GPNMB: variants seen among roughly 807,000 people sequenced by gnomAD.
GPNMB encodes the protein transmembrane glycoprotein NMB.
A neutral mutation model predicts 57.3 loss-of-function variants in GPNMB; 71 were observed. The ratio of observed to expected loss-of-function variants is 1.24; its 90% CI spans 1.02 to 1.51. The LOEUF (loss-of-function observed/expected upper bound fraction) is 1.51, where lower values mean the gene tolerates loss of function less well. Among genes scored for constraint, GPNMB ranks in the 40% most tolerant of loss-of-function variants. The probability of loss-of-function intolerance (pLI) is 0.00; values close to 1 mark genes in which losing one functional copy is unlikely to be tolerated. For synonymous variants in GPNMB, 253 were observed against 263.2 expected, an observed-to-expected ratio of 0.96 and a Z score of 0.38; for missense variants, 677 against 691.9, an observed-to-expected ratio of 0.98 and a Z score of 0.24.
At chr7:23,258,929 A>G (rs1238413352) in intron 4 of GPNMB, among the ~76,000 whole-genome samples, 1 of 152,248 alleles carries the variant, frequency 6.6e-6, no homozygotes, top group Non-Finnish European at 1.5e-5. Context: ...CCAGTCAGTG[A>G]CAGGTCTAAA....
intron 3 of GPNMB, 79 bp from the exon 4 acceptor site, chr7:23,256,813 G>C (rs1253846517): frequency 3.5e-6 from 4 of 1,151,020 alleles, no homozygotes; most frequent in South Asian, 1.4e-5. Context: ...ATACGAAAAA[G>C]TGTTTAATTC....
At chr7:23,271,778 A>G (rs1783211737) in intron 9 of GPNMB, among the ~76,000 whole-genome samples, 2 of 152,340 alleles carry the variant, frequency 1.3e-5, no homozygotes, top group South Asian at 2.1e-4. Flanking sequence ...CCTGGCCAAC[A>G]GAGTGAGACT....
chr7:23,258,204 T>G (rs1782828241), intron 4 of GPNMB, among the ~76,000 whole-genome samples: 1 of 152,220 alleles, frequency 6.6e-6, no homozygotes. Context: ...GCACTGAGTA[T>G]TTGAAAATTG....
chr7:23,259,856 C>T (rs2128482675), intron 4 of GPNMB, 124 bp from the exon 5 acceptor site: 1 of 797,800 alleles, frequency 1.3e-6, no homozygotes, highest in Non-Finnish European at 2.0e-6. Flanking sequence ...AGCAGCACCA[C>T]AGGCCCATCC....
chr7:23,253,482 A>G (rs1782704885), intron 2 of GPNMB, 23 bp downstream of exon 2: 6 of 1,599,462 alleles, frequency 3.8e-6, no homozygotes, highest in Non-Finnish European at 5.1e-6. Context: ...ATTCAAACCA[A>G]ACACCTGCAA....
At chr7:23,267,113 G>A (rs1395072383) in intron 7 of GPNMB, among the ~76,000 whole-genome samples, 3 of 152,246 alleles carry the variant, frequency 2.0e-5, no homozygotes, top group South Asian at 2.1e-4. Flanking sequence ...AGTTCTGGGA[G>A]TGAGGATGGA....
chr7:23,262,439 C>T (rs1239258394), intron 6 of GPNMB, among the ~76,000 whole-genome samples: 1 of 151,716 alleles, frequency 6.6e-6, no homozygotes, highest in African/African-American at 2.4e-5. Context: ...TAAATGGGTT[C>T]ATTTACACAA....
At chr7:23,258,397 A>C (rs1043210654) in intron 4 of GPNMB, among the ~76,000 whole-genome samples, 13 of 152,342 alleles carry the variant, frequency 8.5e-5, no homozygotes, top group African/African-American at 3.1e-4. Context: ...AATTGCCTTA[A>C]AGCTAACTTA....
At position 23,260,727 on chromosome 7, in the gene GPNMB, G is replaced by A. The variant is rs760209900; in HGVS notation, c.972G>A (p.Pro324=). ...AAGCTGCAGCACCAGGACCTTGTCCGCCACCGCCACCACCACCCAGACCTT... is the reference window on the plus strand; with the variant it reads ...AAGCTGCAGCACCAGGACCTTGTCCACCACCGCCACCACCACCCAGACCTT... ...TVKAAAPGPC[P]PPPPPPRPSK... Residue 324 remains proline, a synonymous_variant, in exon 6 of 11, where the codon CCG becomes CCA. Coordinates refer to ENST00000258733, the MANE Select transcript of GPNMB (RefSeq NM_002510.3). The A allele has an allele frequency of 6.3e-6, 10 of 1,589,846 alleles. No homozygotes were observed. The East Asian group carries it at 1.4e-4, about 22-fold the overall frequency.
At chr7:23,254,366 T>C (rs1782729832) in intron 3 of GPNMB, 54 bp downstream of exon 3, 8 of 1,420,208 alleles carry the variant, frequency 5.6e-6, no homozygotes, top group Non-Finnish European at 7.9e-6. Context: ...TAAACCTTAA[T>C]GATCACAGGT....
At chr7:23,273,244 C>T (rs1019758323) in intron 9 of GPNMB, 4 of 325,530 alleles carry the variant, frequency 1.2e-5, no homozygotes, top group Non-Finnish European at 2.2e-5. Flanking sequence ...CACGGTGGCG[C>T]TGCTGGGTCA....
Position 23,260,262 on chromosome 7 carries a change from T to A in GPNMB, c.700+124T>A, listed in dbSNP as rs1782884606. ...AATGCATCTGGCCCACCTAAGCTTGTGTATTTAATTAGTTGTAGTTCATCT... is the reference window on the plus strand; with the variant it reads ...AATGCATCTGGCCCACCTAAGCTTGAGTATTTAATTAGTTGTAGTTCATCT... On this transcript the variant is annotated intron_variant, in intron 5 of 10. Transcript: ENST00000258733. 1.1e-5 allele frequency: 12 copies of A among 1,083,902 alleles called. No individual in the cohort carries two copies. In the South Asian group the frequency reaches 1.8e-4, roughly 17 times the overall value. The allele number at this position is 1,083,902 out of a possible 1,614,324, so 67.1% of individuals were successfully genotyped here. A position where few individuals can be genotyped will look rare whatever the true frequency, so the allele number is the denominator to read the frequency against.
Position 23,260,625 on chromosome 7 carries a change from C to T in GPNMB, c.870C>T (p.Gly290=), listed in dbSNP as rs202239533. ...NYKWSFGDNT[G]LFVSTNHTVN... ...AGTGGAGCTTCGGGGATAATACTGG[C>T]CTGTTTGTTTCCACCAATCATACTG... Residue 290 remains glycine (G), a synonymous_variant, in exon 6 of 11, where the codon GGC becomes GGT. Coordinates refer to ENST00000258733, the MANE Select transcript of GPNMB (RefSeq NM_002510.3). 3 of 1,613,870 alleles carry T rather than the reference C, an allele frequency of 1.9e-6. No homozygotes were observed. The highest frequency in any genetic ancestry group is 1.7e-5 in the Admixed American group (1 of 59,980).
In GPNMB at chr7:23,267,329, A is replaced by G. The variant is rs143196940; in HGVS notation, c.1118-557A>G. On this transcript the variant is annotated intron_variant, in intron 7 of 10. Coordinates refer to ENST00000258733, the MANE Select transcript of GPNMB (RefSeq NM_002510.3). Reference sequence around the variant, plus strand: ...TTCAGTTTGACTTTGGAAATGCTGCATGGATATGTATCCTAAGCTATGGGG... The same window carrying G: ...TTCAGTTTGACTTTGGAAATGCTGCGTGGATATGTATCCTAAGCTATGGGG... Among the ~76,000 whole-genome samples the G allele has an allele frequency of 9.1e-3, 1,379 of 152,370 alleles. 9 individuals carry two copies. The highest frequency in any genetic ancestry group is 0.016 in the Admixed American group (244 of 15,310).
At chr7:23,246,998 C>A in intron 1 of GPNMB, 71 bp downstream of exon 1, 1 of 1,111,602 alleles carries the variant, frequency 9.0e-7, no homozygotes, top group South Asian at 1.2e-5. Context: ...TAATAATATC[C>A]TCTGAACTAG....
chr7:23,256,839 T>G, intron 3 of GPNMB, 53 bp from the exon 4 acceptor site: 1 of 1,476,870 alleles, frequency 6.8e-7, no homozygotes, highest in Admixed American at 1.8e-5. Flanking sequence ...TGCATGCACA[T>G]TGGGTTTTCT....
intron 9 of GPNMB, among the ~76,000 whole-genome samples, chr7:23,272,116 C>T (rs1406533499): frequency 6.6e-6 from 1 of 152,224 alleles, no homozygotes; most frequent in African/African-American, 2.4e-5. Context: ...CAGTCACCAT[C>T]AGAAGCTGCT....
At position 23,269,468 on chromosome 7, in the gene GPNMB, G is replaced by T. The variant is rs115108023; in HGVS notation, c.1221-499G>T. ...TATCTAAAACTCACTCAGAACAAAGGTCTCTGAGGAAAGATAAATAAATAA... is the reference window on the plus strand; with the variant it reads ...TATCTAAAACTCACTCAGAACAAAGTTCTCTGAGGAAAGATAAATAAATAA... On this transcript the variant is annotated intron_variant, in intron 8 of 10. Transcript: ENST00000258733. 5.3e-3 allele frequency among the ~76,000 whole-genome samples: 803 copies of T among 152,268 alleles called. 7 individuals are homozygous for T. The highest frequency in any genetic ancestry group is 0.018 in the African/African-American group (738 of 41,554).
chr7:23,271,573 A>C (rs1039880956), intron 9 of GPNMB, among the ~76,000 whole-genome samples: 1 of 152,238 alleles, frequency 6.6e-6, no homozygotes, highest in Admixed American at 6.5e-5. Flanking sequence ...AGGTGGGCAG[A>C]TCACTTGAGA....
Sources: gnomAD v4.1 joint callset for allele counts (sites outside exome capture counted in the v4.1 genomes callset) on GRCh38, gnomAD v4.1.1 for gene constraint, MANE v1.5 for transcripts, NCBI Gene and HGNC (gene_info 2026-07-23, HGNC 2026-07-21) for gene names.